Variants in KIF1B observed in about 807,000 individuals in gnomAD.
The protein encoded by KIF1B is kinesin family member 1B, also known as kinesin-like protein KIF1B.
A neutral mutation model predicts 241.9 loss-of-function variants in KIF1B; 76 were observed. The observed-to-expected ratio is 0.31, with a 90% confidence interval of 0.26 to 0.38. KIF1B has a LOEUF of 0.38. Ranked by LOEUF, KIF1B falls within the 10% of genes least tolerant of loss-of-function variation. KIF1B has a pLI of 1.00. For synonymous variants in KIF1B, 750 were observed against 796.7 expected, an observed-to-expected ratio of 0.94 and a Z score of 0.99; for missense variants, 1,622 against 2,271.4, an observed-to-expected ratio of 0.71 and a Z score of 5.81.
chr1:10,319,229 G>A (rs1651424917), intron 22 of KIF1B, among the ~76,000 whole-genome samples: 1 of 151,376 alleles, frequency 6.6e-6, no homozygotes, highest in Non-Finnish European at 1.5e-5. Context: ...ATCCTCCCAA[G>A]TAGCTGGGAT....
intron 2 of KIF1B, among the ~76,000 whole-genome samples, chr1:10,254,199 G>C (rs1350062115): frequency 2.6e-5 from 4 of 152,234 alleles, no homozygotes; most frequent in Non-Finnish European, 5.9e-5. Flanking sequence ...CTGAAATATA[G>C]TGTGACTGGA....
intron 8 of KIF1B, 21 bp from the exon 9 acceptor site, chr1:10,272,220 C>T: frequency 7.3e-7 from 1 of 1,361,058 alleles, no homozygotes; most frequent in Non-Finnish European, 1.1e-6. Flanking sequence ...ATCATTCTTT[C>T]ATATTTGGTA....
chr1:10,248,162 C>G (rs1463593075), intron 2 of KIF1B, among the ~76,000 whole-genome samples: 1 of 150,506 alleles, frequency 6.6e-6, no homozygotes, highest in South Asian at 2.1e-4. Context: ...GGTCACTTTA[C>G]CTTTTGATCA....
At chr1:10,284,232 C>CT (rs2102236244) in intron 15 of KIF1B, among the ~76,000 whole-genome samples, 1 of 152,102 alleles carries the variant, frequency 6.6e-6, no homozygotes, top group South Asian at 2.1e-4. Flanking sequence ...GAGCAAGACT[C>CT]TATCTCAAAA....
intron 22 of KIF1B, among the ~76,000 whole-genome samples, chr1:10,300,275 A>G (rs1045698037): frequency 6.7e-6 from 1 of 148,972 alleles, no homozygotes; most frequent in African/African-American, 2.4e-5. Context: ...AATATAGATA[A>G]ATATAAAAAA....
chr1:10,229,316 C>CA (rs969605020), intron 1 of KIF1B, among the ~76,000 whole-genome samples: 37 of 151,758 alleles, frequency 2.4e-4, no homozygotes, highest in African/African-American at 8.7e-4. Context: ...ATTTAAAAAA[C>CA]AAAAAAATCA....
At chr1:10,267,637 C>A (rs1648539862) in intron 6 of KIF1B, 79 bp downstream of exon 6, 3 of 1,339,930 alleles carry the variant, frequency 2.2e-6, no homozygotes, top group South Asian at 2.4e-5. Flanking sequence ...GGTTTGAGGC[C>A]ACATTTATAG....
In KIF1B at chr1:10,215,172, A is replaced by AT. The variant is rs1166683802; in HGVS notation, c.-80+4315dup. ...TATATATATATATATATATATATAT[A>AT]TTTTTTTTTTTTTTTTTTTTTGAGA... On this transcript the variant is annotated intron_variant, in intron 1 of 48. Transcript: ENST00000676179. Among the ~76,000 whole-genome samples, 152 of 45,354 alleles carry AT rather than the reference A, an allele frequency of 3.4e-3. 6 individuals carry two copies. Among genetic ancestry groups the AT allele is most frequent in the African/African-American group, 0.01 (102 of 9,980 alleles). The allele number at this position is 45,354 out of a possible 152,430, so 29.8% of individuals were successfully genotyped here.
Position 10,323,984 on chromosome 1 carries a change from T to A in KIF1B, c.2459T>A (p.Phe820Tyr), listed in dbSNP as rs763979844. The A allele has an allele frequency of 6.2e-7, 1 of 1,614,034 alleles. No individual in the cohort carries two copies. The highest frequency in any genetic ancestry group is 2.2e-5 in the East Asian group (1 of 44,900). Reference protein sequence around the residue: ...EMEKTHEDRPFPRTVVAVEVQ... With the variant: ...EMEKTHEDRPYPRTVVAVEVQ... ...GAAAAAACTCATGAGGACAGGCCTT[T>A]CCCTCGCACAGTGGTAGCAGTAGAA... Residue 820 changes from phenylalanine to tyrosine, a missense_variant, in exon 25 of 49, where the codon TTC becomes TAC. Physicochemically the swap from Phe to Tyr is conservative, Grantham distance 22 (BLOSUM62 3). Coordinates refer to ENST00000676179, the MANE Select transcript of KIF1B (RefSeq NM_001365951.3).
chr1:10,297,570 G>T (rs1220289134), intron 22 of KIF1B, among the ~76,000 whole-genome samples: 1 of 152,124 alleles, frequency 6.6e-6, no homozygotes, highest in Non-Finnish European at 1.5e-5. Flanking sequence ...TTCAGTGGTG[G>T]TTCTTTAAAT....
At chr1:10,361,170 T>C in intron 39 of KIF1B, 127 bp downstream of exon 39, 1 of 725,786 alleles carries the variant, frequency 1.4e-6, no homozygotes, top group Non-Finnish European at 2.5e-6. Context: ...TCCTTAAGTT[T>C]TTCATTTTAT....
At chr1:10,297,300 C>G in intron 22 of KIF1B, 54 bp downstream of exon 22, 1 of 1,497,552 alleles carries the variant, frequency 6.7e-7, no homozygotes, top group Non-Finnish European at 9.3e-7. Context: ...TGTTCCCATA[C>G]TTTCCCTGTT....
chr1:10,323,394 G>A (rs56678091), intron 24 of KIF1B, among the ~76,000 whole-genome samples: 3,979 of 152,220 alleles, frequency 0.026, 198 homozygotes, highest in African/African-American at 0.09. Context: ...GCCGAGGTGG[G>A]TGGATCATTT....
chr1:10,356,281 C>T (rs1007656534), intron 38 of KIF1B, among the ~76,000 whole-genome samples: 2 of 152,008 alleles, frequency 1.3e-5, no homozygotes, highest in Non-Finnish European at 2.9e-5. Flanking sequence ...CAGAGGATCG[C>T]TTGAACCCGG....
chr1:10,339,849 A>G lies in KIF1B; in HGVS notation c.3503A>G (p.His1168Arg). The G allele has an allele frequency of 1.2e-6, 2 of 1,613,744 alleles. No individual in the cohort carries two copies. The highest frequency in any genetic ancestry group is 1.7e-6 in the Non-Finnish European group (2 of 1,179,670). Residue 1168 changes from histidine to arginine, a missense_variant, in exon 32 of 49, where the codon CAT becomes CGT. Physicochemically the swap from His to Arg is conservative, Grantham distance 29. Around this residue, in one of 7 missense-constraint regions of KIF1B, gnomAD observed 803 missense variants for 1,112.0 expected, o/e 0.72. Coordinates refer to ENST00000676179, the MANE Select transcript of KIF1B (RefSeq NM_001365951.3). ...NGRGSPLAFY[H>R]VQNIAVEITE... ...AGAGGAAGTCCCCTGGCCTTTTATC[A>G]TGTGCAGAATGTAAGTGACATGGAC... is the stretch of plus-strand genomic sequence containing the variant.
intron 16 of KIF1B, 136 bp from the exon 17 acceptor site, chr1:10,291,911 T>G: frequency 1.4e-6 from 1 of 719,452 alleles, no homozygotes; most frequent in East Asian, 2.6e-5. Context: ...GATAAGCACA[T>G]TATTTTATGT....
chr1:10,302,271 G>GA (rs1364132223), intron 22 of KIF1B, among the ~76,000 whole-genome samples: 2 of 151,964 alleles, frequency 1.3e-5, no homozygotes, highest in Non-Finnish European at 2.9e-5. Context: ...TTGTGTGTGT[G>GA]AAAAACAAGA....
At chr1:10,305,342 C>G (rs1284244165) in intron 22 of KIF1B, 1 of 1,049,376 alleles carries the variant, frequency 9.5e-7, no homozygotes, top group African/African-American at 1.7e-5. Context: ...ATATCAGAAT[C>G]TATAAATTGG....
At chr1:10,294,286 G>A (rs1482419784) in intron 17 of KIF1B, among the ~76,000 whole-genome samples, 1 of 151,998 alleles carries the variant, frequency 6.6e-6, no homozygotes, top group East Asian at 1.9e-4. Context: ...TTATCTTATC[G>A]AATATCAGTA....
Sources: gnomAD v4.1 joint callset for allele counts (sites outside exome capture counted in the v4.1 genomes callset) on GRCh38, gnomAD v4.1.1 for gene constraint, gnomAD v4.1.1 regional missense constraint, MANE v1.5 for transcripts, NCBI Gene and HGNC (gene_info 2026-07-23, HGNC 2026-07-21) for gene names.